HS6ST3: variants seen among roughly 807,000 people sequenced by gnomAD.
HS6ST3 encodes the protein heparan-sulfate 6-O-sulfotransferase 3.
In HS6ST3, 12 loss-of-function variants were observed where a neutral mutation model predicts 36.7. The ratio of observed to expected loss-of-function variants is 0.33; its 90% CI spans 0.21 to 0.53. The LOEUF (loss-of-function observed/expected upper bound fraction) is 0.53, where lower values mean the gene tolerates loss of function less well. Ranked by LOEUF, HS6ST3 falls within the 20% of genes least tolerant of loss-of-function variation. HS6ST3 has a pLI of 0.95. For missense variants in HS6ST3, 584 were observed against 640.9 expected, an observed-to-expected ratio of 0.91 and a Z score of 0.96; for synonymous variants, 240 against 257.5, an observed-to-expected ratio of 0.93 and a Z score of 0.65.
chr13:96,790,101 T>C lies in HS6ST3; in HGVS notation c.708-42389T>C, dbSNP rs1307905108. ...CAAGGCACTGGTTGCATTTCTCAAT[T>C]TCTCCATTTTTTCTTAGATTGCATA... On this transcript the variant is annotated intron_variant, in intron 1 of 1. Coordinates refer to ENST00000376705, the MANE Select transcript of HS6ST3 (RefSeq NM_153456.4). 7.2e-5 allele frequency among the ~76,000 whole-genome samples: 11 copies of C among 151,952 alleles called. No homozygotes were observed. The Admixed American group carries it at 7.2e-4, about 10-fold the overall frequency.
chr13:96,626,123 T>G (rs2056511526), intron 1 of HS6ST3, among the ~76,000 whole-genome samples: 3 of 152,144 alleles, frequency 2.0e-5, no homozygotes, highest in Admixed American at 1.3e-4. Context: ...ATTACAGGCG[T>G]GAGCCACATC....
intron 1 of HS6ST3, among the ~76,000 whole-genome samples, chr13:96,176,830 A>C (rs1199366304): frequency 6.6e-6 from 1 of 152,242 alleles, no homozygotes; most frequent in Non-Finnish European, 1.5e-5. Flanking sequence ...CAGTGTAAAC[A>C]GACAACCTAC....
intron 1 of HS6ST3, chr13:96,573,754 G>C (rs1399600863): frequency 1.2e-5 from 4 of 344,572 alleles, no homozygotes; most frequent in Non-Finnish European, 1.7e-5. Context: ...CCCAGCCCTA[G>C]GTCAGGACCT....
intron 1 of HS6ST3, among the ~76,000 whole-genome samples, chr13:96,177,080 A>AT (rs1566900387): frequency 1.3e-5 from 2 of 152,202 alleles, no homozygotes; most frequent in Non-Finnish European, 2.9e-5. Context: ...ATACCATCTC[A>AT]TGCCAGTCAG....
At chr13:96,705,638 C>T (rs535625154) in intron 1 of HS6ST3, among the ~76,000 whole-genome samples, 1 of 152,270 alleles carries the variant, frequency 6.6e-6, no homozygotes, top group South Asian at 2.1e-4. Context: ...CAAGCTTCAC[C>T]ATCCTCTCCC....
intron 1 of HS6ST3, among the ~76,000 whole-genome samples, chr13:96,108,114 A>G (rs1265633134): frequency 6.6e-6 from 1 of 152,244 alleles, no homozygotes; most frequent in Non-Finnish European, 1.5e-5. Context: ...TAAGAGAAAT[A>G]TCGCTGAATT....
chr13:96,377,779 G>T lies in HS6ST3; in HGVS notation c.707+286210G>T, dbSNP rs148487561. Among the ~76,000 whole-genome samples the T allele has an allele frequency of 3.7e-3, 557 of 152,292 alleles. 3 individuals are homozygous for T. Among genetic ancestry groups the T allele is most frequent in the African/African-American group, 0.013 (544 of 41,562 alleles). ...AAAATTAAATGACTGTGATAGAAATGTGACACCATGGAAGAAAGAGGGAAA... is the reference window on the plus strand; with the variant it reads ...AAAATTAAATGACTGTGATAGAAATTTGACACCATGGAAGAAAGAGGGAAA... On this transcript the variant is annotated intron_variant, in intron 1 of 1. Transcript: ENST00000376705.
At chr13:96,710,567 T>A in intron 1 of HS6ST3, among the ~76,000 whole-genome samples, 1 of 152,264 alleles carries the variant, frequency 6.6e-6, no homozygotes, top group Non-Finnish European at 1.5e-5. Flanking sequence ...CGTTATTCAA[T>A]AAATGTTTGT....
intron 1 of HS6ST3, among the ~76,000 whole-genome samples, chr13:96,618,509 G>A (rs1369170186): frequency 6.6e-6 from 1 of 152,226 alleles, no homozygotes; most frequent in East Asian, 1.9e-4. Context: ...CACTAACAAG[G>A]CTCAGGTATT....
chr13:96,710,288 G>T (rs1422029043), intron 1 of HS6ST3, among the ~76,000 whole-genome samples: 5 of 152,204 alleles, frequency 3.3e-5, no homozygotes, highest in Non-Finnish European at 7.3e-5. Flanking sequence ...GATAAAGCAG[G>T]ACCTAGGCTG....
intron 1 of HS6ST3, among the ~76,000 whole-genome samples, chr13:96,127,044 A>G (rs1005720607): frequency 2.6e-5 from 4 of 152,170 alleles, no homozygotes; most frequent in Non-Finnish European, 1.5e-5. Context: ...TTTTCCAATC[A>G]AAGACAATGA....
chr13:96,174,533 T>C (rs1226395161), intron 1 of HS6ST3, among the ~76,000 whole-genome samples: 4 of 152,254 alleles, frequency 2.6e-5, no homozygotes, highest in Admixed American at 2.6e-4. Flanking sequence ...CCATGCCTGG[T>C]ATAGTAGATA....
chr13:96,229,528 C>T (rs1395799137), intron 1 of HS6ST3, among the ~76,000 whole-genome samples: 1 of 152,094 alleles, frequency 6.6e-6, no homozygotes, highest in African/African-American at 2.4e-5. Flanking sequence ...AGACAGGAAA[C>T]CCGCCCTCTA....
At chr13:96,121,932 G>A (rs2053927401) in intron 1 of HS6ST3, among the ~76,000 whole-genome samples, 1 of 151,956 alleles carries the variant, frequency 6.6e-6, no homozygotes, top group African/African-American at 2.4e-5. Flanking sequence ...CATTACCATG[G>A]CAATGAGGAG....
At chr13:96,231,960 T>C (rs2054510622) in intron 1 of HS6ST3, among the ~76,000 whole-genome samples, 1 of 152,156 alleles carries the variant, frequency 6.6e-6, no homozygotes, top group South Asian at 2.1e-4. Context: ...TGTGAAGGAT[T>C]GTGTGCTTGT....
At chr13:96,173,488 A>G (rs1054776537) in intron 1 of HS6ST3, among the ~76,000 whole-genome samples, 4 of 152,192 alleles carry the variant, frequency 2.6e-5, no homozygotes, top group African/African-American at 4.8e-5. Flanking sequence ...CTTGAGAGCT[A>G]CAGAAAGATC....
intron 1 of HS6ST3, among the ~76,000 whole-genome samples, chr13:96,627,714 T>C (rs942252830): frequency 1.9e-4 from 29 of 151,992 alleles, no homozygotes; most frequent in African/African-American, 6.8e-4. Context: ...GTACTAAATA[T>C]AGCCATTTAT....
intron 1 of HS6ST3, among the ~76,000 whole-genome samples, chr13:96,459,867 A>G (rs2055774019): frequency 6.6e-6 from 1 of 152,206 alleles, no homozygotes; most frequent in Non-Finnish European, 1.5e-5. Context: ...GTGTGTGCAT[A>G]TATTTGTAGA....
intron 1 of HS6ST3, among the ~76,000 whole-genome samples, chr13:96,570,328 G>T (rs1158492091): frequency 1.3e-5 from 2 of 152,084 alleles, no homozygotes; most frequent in Admixed American, 1.3e-4. Flanking sequence ...AATATCATTT[G>T]TATTCCCACA....
Sources: allele counts gnomAD v4.1 joint callset (sites outside exome capture counted in the v4.1 genomes callset), GRCh38; gene constraint gnomAD v4.1.1; transcripts MANE v1.5; gene names NCBI Gene and HGNC (gene_info 2026-07-23, HGNC 2026-07-21).